The following MDM1 variants were observed in gnomAD, a reference collection of about 807,000 sequenced individuals.
The protein encoded by MDM1 is stabilizer of axonemal microtubules 6.
A neutral mutation model predicts 89.1 loss-of-function variants in MDM1; 61 were observed. The ratio of observed to expected loss-of-function variants is 0.68; its 90% CI spans 0.56 to 0.85. The LOEUF (loss-of-function observed/expected upper bound fraction) is 0.85, where lower values mean the gene tolerates loss of function less well. Ranked by LOEUF, MDM1 falls within the 40% of genes least tolerant of loss-of-function variation. The pLI, the probability that MDM1 is intolerant of heterozygous loss-of-function variation, is 0.00. For missense variants in MDM1, 820 were observed against 846.5 expected (o/e 0.97, Z 0.39); for synonymous variants, 290 against 294.1 (o/e 0.99, Z 0.14).
intron 10 of MDM1, 33 bp downstream of exon 10, chr12:68,314,915 G>T: frequency 6.6e-7 from 1 of 1,521,474 alleles, no homozygotes. Context: ...TGTAAATAAC[G>T]CTTCTCTATA....
Position 68,332,236 on chromosome 12 carries a change from G to A in MDM1, c.10C>T (p.Arg4Cys). MPV[R>C]FKGLSEYQRN... Reference sequence around the variant, plus strand: ...GGGGACCCCAGCCTCACCTTGAAGCGCACCGGCATGTCGCCCGGCGCCGGA... The same window carrying A: ...GGGGACCCCAGCCTCACCTTGAAGCACACCGGCATGTCGCCCGGCGCCGGA... The change falls in exon 1 of 15, where the codon CGC (arginine) becomes TGC (cysteine). Residue 4 changes from arginine to cysteine, a missense_variant. Coordinates refer to ENST00000682720, the MANE Select transcript of MDM1 (RefSeq NM_001354969.2). 3 of 1,581,350 alleles carry A rather than the reference G, an allele frequency of 1.9e-6. No homozygotes were observed. The highest frequency in any genetic ancestry group is 1.7e-4 in the Middle Eastern group (1 of 6,022).
At chr12:68,306,094 T>C (rs1384373158) in intron 12 of MDM1, among the ~76,000 whole-genome samples, 1 of 151,708 alleles carries the variant, frequency 6.6e-6, no homozygotes, top group Non-Finnish European at 1.5e-5. Flanking sequence ...AAAAGAGAAC[T>C]CAGAAATAAA....
chr12:68,320,330 C>T lies in MDM1; in HGVS notation c.1005+1017G>A, dbSNP rs75796631. 3.6e-3 allele frequency among the ~76,000 whole-genome samples: 549 copies of T among 152,316 alleles called. 6 individuals are homozygous for T. The highest frequency in any genetic ancestry group is 0.013 in the African/African-American group (536 of 41,566). On this transcript the variant is annotated intron_variant, in intron 7 of 14. Coordinates refer to ENST00000682720, the MANE Select transcript of MDM1 (RefSeq NM_001354969.2). ...TTGCCCCAGATAATATCCGGGACAG[C>T]TTTGAGCTTTGTCTTTTACTTTGCC...
At chr12:68,326,524 C>T (rs1261516579) in intron 3 of MDM1, 133 bp downstream of exon 3, 19 of 1,586,540 alleles carry the variant, frequency 1.2e-5, no homozygotes, top group Non-Finnish European at 1.1e-5. Flanking sequence ...CTGTTATCAA[C>T]TATTCTTATA....
At chr12:68,326,158 G>A in intron 3 of MDM1, 1 of 1,035,102 alleles carries the variant, frequency 9.7e-7, no homozygotes. Flanking sequence ...TGCTCACAGG[G>A]ACCTGCTGCA....
chr12:68,316,616 G>A lies in MDM1; in HGVS notation c.1006-6C>T. On this transcript the variant is annotated splice_polypyrimidine_tract_variant and splice_region_variant and intron_variant, in intron 7 of 14. Coordinates refer to ENST00000682720, the MANE Select transcript of MDM1 (RefSeq NM_001354969.2). Reference sequence around the variant, plus strand: ...CACATGGCATTTAGAGAACCCTAGAGAAGGAATACAGAAACACACTTAATG... The same window carrying A: ...CACATGGCATTTAGAGAACCCTAGAAAAGGAATACAGAAACACACTTAATG... The A allele has an allele frequency of 6.5e-7, 1 of 1,534,350 alleles. No individual in the cohort carries two copies. The highest frequency in any genetic ancestry group is 1.4e-5 in the African/African-American group (1 of 73,108).
Position 68,331,207 on chromosome 12 carries a change from G to GTA in MDM1, c.31_32dup (p.Gln12ThrfsTer34), listed in dbSNP as rs1876762837. On this transcript the variant is annotated frameshift_variant, in exon 2 of 15. Coordinates refer to ENST00000682720, the MANE Select transcript of MDM1 (RefSeq NM_001354969.2). LOFTEE classifies it high-confidence loss of function. ...ACTTTTTCCACAGGAAGTTCCTCTG[G>GTA]TATTCACTCAGCCCCTGTAATGCAA... The GTA allele has an allele frequency of 6.3e-7, 1 of 1,590,938 alleles. No homozygotes were observed. Among genetic ancestry groups the GTA allele is most frequent in the Non-Finnish European group, 8.6e-7 (1 of 1,159,002 alleles).
At chr12:68,313,366 A>T in intron 12 of MDM1, 77 bp downstream of exon 12, 2 of 1,020,042 alleles carry the variant, frequency 2.0e-6, no homozygotes, top group Non-Finnish European at 3.0e-6. Flanking sequence ...TAAAATCTTA[A>T]CCCATCATTC....
chr12:68,297,433 A>T (rs1164457809), intron 13 of MDM1, among the ~76,000 whole-genome samples: 4 of 152,218 alleles, frequency 2.6e-5, no homozygotes, highest in African/African-American at 9.6e-5. Flanking sequence ...TGAGTGTATA[A>T]CTATACCCAA....
chr12:68,296,235 C>T (rs559381927), intron 14 of MDM1, among the ~76,000 whole-genome samples: 54 of 152,342 alleles, frequency 3.5e-4, no homozygotes, highest in African/African-American at 1.3e-3. Context: ...CATGGTGGCT[C>T]ACGCCTGTAA....
chr12:68,302,194 G>A lies in MDM1; in HGVS notation c.2002+426C>T, dbSNP rs578149020. ...ACATAGAAGATCCAGAATAAAAGGA[G>A]CATCTGACTTCTTAACATTAACGAT... On this transcript the variant is annotated intron_variant, in intron 13 of 14. Coordinates refer to ENST00000682720, the MANE Select transcript of MDM1 (RefSeq NM_001354969.2). Among the ~76,000 whole-genome samples, 3 of 152,300 alleles carry A rather than the reference G, an allele frequency of 2.0e-5. No individual in the cohort carries two copies. In the East Asian group the frequency reaches 5.8e-4, roughly 29 times the overall value.
At chr12:68,318,656 A>T (rs1279628001) in intron 7 of MDM1, among the ~76,000 whole-genome samples, 3 of 152,192 alleles carry the variant, frequency 2.0e-5, no homozygotes, top group Admixed American at 6.5e-5. Context: ...CAATAGCATG[A>T]ACTCAATGTT....
intron 4 of MDM1, chr12:68,324,904 T>C: frequency 1.6e-6 from 1 of 633,886 alleles, no homozygotes; most frequent in Non-Finnish European, 2.0e-6. Context: ...TAATGAAATC[T>C]AATACCACAT....
Position 68,299,550 on chromosome 12 carries a change from C to T in MDM1, c.2003-2568G>A, listed in dbSNP as rs114258940. 1.6e-3 allele frequency among the ~76,000 whole-genome samples: 246 copies of T among 151,976 alleles called. 2 individuals are homozygous for T. Among genetic ancestry groups the T allele is most frequent in the African/African-American group, 5.7e-3 (238 of 41,448 alleles). Reference sequence around the variant, plus strand: ...GAACAAGTAGAAGATAGCTGCATGCCAGGTCCAAGAGGGAGGAAAAAGCAG... The same window carrying T: ...GAACAAGTAGAAGATAGCTGCATGCTAGGTCCAAGAGGGAGGAAAAAGCAG... On this transcript the variant is annotated intron_variant, in intron 13 of 14. Transcript: ENST00000682720.
chr12:68,315,828 G>A (rs1035256808), intron 9 of MDM1, among the ~76,000 whole-genome samples: 10 of 151,908 alleles, frequency 6.6e-5, no homozygotes, highest in Middle Eastern at 3.4e-3. Context: ...TCCCTACTCC[G>A]CTATTAACTG....
chr12:68,303,244 C>T (rs148593329), intron 12 of MDM1, among the ~76,000 whole-genome samples: 124 of 152,144 alleles, frequency 8.2e-4, no homozygotes, highest in African/African-American at 2.9e-3. Flanking sequence ...AAATCACAAA[C>T]AGCAAACGTA....
Position 68,302,810 on chromosome 12 carries a change from A to C in MDM1, c.1812T>G (p.Pro604=). ...SPAAGIKTVD[P]LPLREDSEDN... is the part of the protein sequence containing the mutation. ...CTTCAGAATCTTCCCGCAAAGGCAGAGGATCAACTGTTTTTATACCAGCAG... is the reference window on the plus strand; with the variant it reads ...CTTCAGAATCTTCCCGCAAAGGCAGCGGATCAACTGTTTTTATACCAGCAG... The change falls in exon 13 of 15, where the codon CCT becomes CCG. Residue 604 remains proline, a synonymous_variant. Transcript: ENST00000682720. 1.2e-6 allele frequency: 2 copies of C among 1,610,450 alleles called. No individual in the cohort carries two copies. Among genetic ancestry groups the C allele is most frequent in the East Asian group, 2.2e-5 (1 of 44,634 alleles).
intron 13 of MDM1, among the ~76,000 whole-genome samples, chr12:68,297,675 G>A (rs973013837): frequency 4.6e-5 from 7 of 152,058 alleles, no homozygotes; most frequent in African/African-American, 1.2e-4. Context: ...TGGAAGTTTC[G>A]TCTCTAAAAG....
chr12:68,305,307 A>C (rs1376294960), intron 12 of MDM1, among the ~76,000 whole-genome samples: 3 of 152,172 alleles, frequency 2.0e-5, no homozygotes, highest in Non-Finnish European at 4.4e-5. Flanking sequence ...CCCACAGCCA[A>C]TATCATACTG....
Sources: allele counts gnomAD v4.1 joint callset (sites outside exome capture counted in the v4.1 genomes callset), GRCh38; gene constraint gnomAD v4.1.1; transcripts MANE v1.5; gene names NCBI Gene and HGNC (gene_info 2026-07-23, HGNC 2026-07-21).